DNA2: variants seen among roughly 807,000 people sequenced by gnomAD.
The protein encoded by DNA2 is DNA replication ATP-dependent helicase/nuclease DNA2.
In DNA2, 101 loss-of-function variants were observed where a neutral mutation model predicts 119.1. The observed-to-expected ratio is 0.85, with a 90% CI of 0.72 to 1.00. The LOEUF is 1.00. Ranked by LOEUF, DNA2 falls within the 50% of genes least tolerant of loss-of-function variation. The probability of loss-of-function intolerance (pLI) is 0.00; values close to 1 mark genes in which losing one functional copy is unlikely to be tolerated. For synonymous variants in DNA2, 366 were observed against 424.4 expected (o/e 0.86, Z 1.69); for missense variants, 1,121 against 1,255.5 (o/e 0.89, Z 1.62).
In DNA2 at chr10:68,431,967, C is replaced by T. The variant is rs1224045988; in HGVS notation, c.1878G>A (p.Leu626=). The T allele has an allele frequency of 6.2e-7, 1 of 1,600,284 alleles. No homozygotes were observed. Among genetic ancestry groups the T allele is most frequent in the East Asian group, 2.2e-5 (1 of 44,794 alleles). The change falls in exon 13 of 21, where the codon TTG becomes TTA. Residue 626 remains leucine (L), a synonymous_variant. Coordinates refer to ENST00000358410, the MANE Select transcript of DNA2 (RefSeq NM_001080449.3). ...KDTVACILKG[L]NKPQRQAMKK... ...TCATCGCTTGCCTCTGAGGCTTATT[C>T]AAACCTACATTTAAATTCAAAAATA...
intron 2 of DNA2, among the ~76,000 whole-genome samples, chr10:68,468,991 A>AG (rs1367453918): frequency 6.6e-6 from 1 of 152,046 alleles, no homozygotes; most frequent in Non-Finnish European, 1.5e-5. Context: ...CGGAGGTTGC[A>AG]GTGAGCCGCG....
rs1429428835 is a variant in DNA2 at position 68,422,851 on chromosome 10, T to C, written c.2248A>G (p.Ile750Val). 3 of 1,608,048 alleles carry C rather than the reference T, an allele frequency of 1.9e-6. No homozygotes were observed. Among genetic ancestry groups the C allele is most frequent in the Non-Finnish European group, 2.5e-6 (3 of 1,178,540 alleles). Residue 750 changes from isoleucine (I) to valine (V), a missense_variant, in exon 15 of 21, where the codon ATA becomes GTA. Ile to Val is a conservative substitution (Grantham distance 29). Coordinates refer to ENST00000358410, the MANE Select transcript of DNA2 (RefSeq NM_001080449.3). Reference protein sequence around the residue: ...ATTCMGINHPIFSRKIFDFCI... With the variant: ...ATTCMGINHPVFSRKIFDFCI... ...AAATCAAAAATTTTACGGGAAAATA[T>C]TGGATGGTTTATTCCCATACATGTT... is the stretch of plus-strand genomic sequence containing the variant.
At position 68,446,327 on chromosome 10, in the gene DNA2, G is replaced by A. The variant is rs1189211811; in HGVS notation, c.1026C>T (p.Tyr342=). The A allele has an allele frequency of 3.1e-6, 5 of 1,595,588 alleles. No individual in the cohort carries two copies. In the East Asian group the frequency reaches 1.1e-4, roughly 36 times the overall value. Residue 342 remains tyrosine (Y), a synonymous_variant, in exon 7 of 21, where the codon TAC becomes TAT. Transcript: ENST00000358410. ...TATCTAGATGGTTGGCAGGCACAGG[G>A]TACATCTGACCAGTCTTGAGGTAGA... is the stretch of plus-strand genomic sequence containing the variant. The part of the protein sequence containing the change: ...LLLYLKTGQM[Y]PVPANHLDKR...
At chr10:68,453,528 A>T (rs2052146404) in intron 5 of DNA2, among the ~76,000 whole-genome samples, 1 of 152,212 alleles carries the variant, frequency 6.6e-6, no homozygotes, top group Non-Finnish European at 1.5e-5. Flanking sequence ...ATATACAGTC[A>T]TCCATTGTAT....
intron 9 of DNA2, among the ~76,000 whole-genome samples, chr10:68,438,125 C>A (rs1474347246): frequency 6.6e-6 from 1 of 152,140 alleles, no homozygotes; most frequent in African/African-American, 2.4e-5. Context: ...GTTTTATTGG[C>A]ACTTTGATCC....
At chr10:68,461,940 A>G (rs1002068262) in intron 4 of DNA2, among the ~76,000 whole-genome samples, 4 of 151,386 alleles carry the variant, frequency 2.6e-5, no homozygotes, top group African/African-American at 9.7e-5. Flanking sequence ...ACCTTACCTC[A>G]AAAAAAATAA....
In DNA2 at chr10:68,443,769, G is replaced by A. The variant is rs191937513; in HGVS notation, c.1221-658C>T. 6.6e-5 allele frequency among the ~76,000 whole-genome samples: 10 copies of A among 150,674 alleles called. No homozygotes were observed. In the East Asian group the frequency reaches 1.0e-3, roughly 15 times the overall value. On this transcript the variant is annotated intron_variant, in intron 8 of 20. Coordinates refer to ENST00000358410, the MANE Select transcript of DNA2 (RefSeq NM_001080449.3). ...TTCGAGACCAGCCTGGGCAACACAC[G>A]GTGAAATCCCGTCTCTACTAAAATA...
intron 9 of DNA2, among the ~76,000 whole-genome samples, chr10:68,437,643 C>T (rs10998165): frequency 0.32 from 47,104 of 145,336 alleles, 8,891 homozygotes; most frequent in African/African-American, 0.54. Flanking sequence ...AGAGCAAAAC[C>T]ACCTCTCAAA....
At chr10:68,418,945 T>C (rs1317067947) in intron 19 of DNA2, 89 bp downstream of exon 19, 79 of 1,240,336 alleles carry the variant, frequency 6.4e-5, no homozygotes, top group South Asian at 4.1e-4. Context: ...GGGGCTGGGA[T>C]TACAGGTGTG....
intron 19 of DNA2, among the ~76,000 whole-genome samples, chr10:68,418,256 T>C (rs2051617510): frequency 6.6e-6 from 1 of 151,754 alleles, no homozygotes; most frequent in Non-Finnish European, 1.5e-5. Context: ...TCTAGAAAAG[T>C]ACAAAAATTA....
intron 10 of DNA2, among the ~76,000 whole-genome samples, chr10:68,433,567 T>C (rs1443236001): frequency 6.6e-6 from 1 of 152,174 alleles, no homozygotes; most frequent in African/African-American, 2.4e-5. Flanking sequence ...CCTTGTTCTG[T>C]TGCCTAGGCT....
At position 68,424,950 on chromosome 10, in the gene DNA2, G is replaced by A. The variant is rs1384608709; in HGVS notation, c.2209-2060C>T. On this transcript the variant is annotated intron_variant, in intron 14 of 20. Coordinates refer to ENST00000358410, the MANE Select transcript of DNA2 (RefSeq NM_001080449.3). ...AGCCAAGTCTCGACAAGTCAGAAAA[G>A]AGAAAGGCAAATATAAGGAGGAACT... 3 of 665,976 alleles carry A rather than the reference G, an allele frequency of 4.5e-6. No homozygotes were observed. In the East Asian group the frequency reaches 8.5e-5, roughly 19 times the overall value. 41.3% of individuals were successfully genotyped at this position (665,976 alleles called of 1,614,324 possible).
rs1319432626 is a variant in DNA2, at chr10:68,414,160, C to T, written c.*879G>A. On this transcript the variant is annotated 3_prime_UTR_variant, in exon 21 of 21. Transcript: ENST00000358410. ...TAAAAATTTTAACATATTTAACACT[C>T]ATTAAAAAAAACCCTCAAGAGAAAT... is the stretch of plus-strand genomic sequence containing the variant. 1 of 151,602 alleles carries T rather than the reference C, an allele frequency of 6.6e-6. No homozygotes were observed. Among genetic ancestry groups the T allele is most frequent in the Admixed American group, 6.6e-5 (1 of 15,226 alleles). The allele number at this position is 151,602 out of a possible 1,614,324, so 9.4% of individuals were successfully genotyped here.
Position 68,462,200 on chromosome 10 carries a change from G to A in DNA2, c.588-2965C>T, listed in dbSNP as rs186452512. On this transcript the variant is annotated intron_variant, in intron 4 of 20. Transcript: ENST00000358410. ...AGCCTGGCCAATATGGTGAAACCCT[G>A]TCTCTACTCACAAACACAAAAATTA... 3.5e-3 allele frequency among the ~76,000 whole-genome samples: 526 copies of A among 151,940 alleles called. 2 individuals carry two copies. Among genetic ancestry groups the A allele is most frequent in the Middle Eastern group, 0.017 (5 of 294 alleles).
At chr10:68,423,390 C>CT (rs1259594158) in intron 14 of DNA2, among the ~76,000 whole-genome samples, 8 of 152,134 alleles carry the variant, frequency 5.3e-5, no homozygotes, top group Non-Finnish European at 8.8e-5. Flanking sequence ...CCTGGGCTTT[C>CT]TTTTTGCCTC....
chr10:68,440,487 T>C (rs2051954005), intron 9 of DNA2, among the ~76,000 whole-genome samples: 1 of 151,624 alleles, frequency 6.6e-6, no homozygotes, highest in Non-Finnish European at 1.5e-5. Context: ...TTAGTAGAGA[T>C]GCGGTTTCAT....
Position 68,465,746 on chromosome 10 carries a change from T to C in DNA2, c.508A>G (p.Ile170Val), listed in dbSNP as rs2052319261. The C allele has an allele frequency of 1.9e-6, 3 of 1,609,716 alleles. No homozygotes were observed. The highest frequency in any genetic ancestry group is 1.3e-5 in the African/African-American group (1 of 74,874). The change falls in exon 4 of 21, where the codon ATA (isoleucine) becomes GTA (valine). Residue 170 changes from isoleucine to valine, a missense_variant. Coordinates refer to ENST00000358410, the MANE Select transcript of DNA2 (RefSeq NM_001080449.3). ...TVLHEVFQKA[I>V]NNSFAPEKLQ... ...TTTTCTGGGGCAAAGCTATTATTTA[T>C]GGCTTTTTGAAACACCTCATGGAGA... is the stretch of plus-strand genomic sequence containing the variant.
At chr10:68,445,388 G>C (rs551850593) in intron 7 of DNA2, among the ~76,000 whole-genome samples, 75 of 151,682 alleles carry the variant, frequency 4.9e-4, no homozygotes, top group Non-Finnish European at 9.9e-4. Context: ...ACCTGAACCT[G>C]GGAGGCGGAG....
At chr10:68,447,515 T>TAAAA (rs1387648406) in intron 6 of DNA2, among the ~76,000 whole-genome samples, 1 of 53,718 alleles carries the variant, frequency 1.9e-5, no homozygotes, top group African/African-American at 1.2e-4. Flanking sequence ...AGACTTCACC[T>TAAAA]CAAAAAAAAA....
Sources: allele counts gnomAD v4.1 joint callset (sites outside exome capture counted in the v4.1 genomes callset), GRCh38; gene constraint gnomAD v4.1.1; transcripts MANE v1.5; gene names NCBI Gene and HGNC (gene_info 2026-07-23, HGNC 2026-07-21).